Variants in COPS9 observed in about 807,000 individuals in gnomAD.
COPS9 encodes COP9 signalosome subunit 9.
In COPS9, 8 loss-of-function variants were observed where a neutral mutation model predicts 7.2. The ratio of observed to expected loss-of-function variants is 1.11; its 90% confidence interval spans 0.65 to 2.00. The LOEUF is 2.00. Ranked by LOEUF, COPS9 falls within the 30% of genes most tolerant of loss-of-function variation. The probability of loss-of-function intolerance (pLI) is 0.00; values close to 1 mark genes in which losing one functional copy is unlikely to be tolerated. For missense variants in COPS9, 74 were observed against 77.7 expected (o/e 0.95, Z 0.18); for synonymous variants, 39 against 28.7 (o/e 1.36, Z -1.14).
chr2:240,130,949 G>A lies in COPS9; in HGVS notation c.*102C>T. 21 of 1,519,382 alleles carry A rather than the reference G, an allele frequency of 1.4e-5. No homozygotes were observed. Among genetic ancestry groups the A allele is most frequent in the Non-Finnish European group, 1.8e-5 (20 of 1,133,614 alleles). The allele number at this position is 1,519,382 out of a possible 1,614,324, so 94.1% of individuals were successfully genotyped here. On this transcript the variant is annotated 3_prime_UTR_variant, in exon 3 of 3. Transcript: ENST00000607357. The stretch of plus-strand genomic sequence containing the variant: ...TGGTTAACCAGGTCCTAAATTCAAG[G>A]GATTTCCACGTGTTCTTTAAAACCA...
chr2:240,130,826 T>A (rs2071914447), downstream of COPS9: 1 of 1,401,524 alleles, frequency 7.1e-7, no homozygotes, highest in South Asian at 1.7e-5. Context: ...TCACTCCACA[T>A]GTGACATTGC....
rs2106555430 is a variant in COPS9, at chr2:240,130,891, T to C, written c.*160A>G. ...TGATCCCGTTCAGAGATGAACAGAATCATCTAGGTCGTTAAGAACAGTCTT... is the reference window on the plus strand; with the variant it reads ...TGATCCCGTTCAGAGATGAACAGAACCATCTAGGTCGTTAAGAACAGTCTT... On this transcript the variant is annotated 3_prime_UTR_variant, in exon 3 of 3. Coordinates refer to ENST00000607357, the MANE Select transcript of COPS9 (RefSeq NM_001163424.2). 1.4e-6 allele frequency: 2 copies of C among 1,441,882 alleles called. No homozygotes were observed. Among genetic ancestry groups the C allele is most frequent in the African/African-American group, 1.4e-5 (1 of 69,706 alleles). 89.3% of individuals were successfully genotyped at this position (1,441,882 alleles called of 1,614,324 possible).
At position 240,136,218 on chromosome 2, in the gene COPS9, C is replaced by A. The variant is rs1252307318; in HGVS notation, c.63+4G>T. ...CTCGGAGACTCCCGCCGGGCCCGTG[C>A]CACCTCGTCCAGGTCCACGTAGGGC... On this transcript the variant is annotated splice_donor_region_variant and intron_variant, in intron 1 of 2. Coordinates refer to ENST00000607357, the MANE Select transcript of COPS9 (RefSeq NM_001163424.2). 1.3e-6 allele frequency: 2 copies of A among 1,546,336 alleles called. No individual in the cohort carries two copies. The highest frequency in any genetic ancestry group is 2.0e-5 in the Admixed American group (1 of 50,012).
Position 240,131,397 on chromosome 2 carries a change from C to T in COPS9, c.137-309G>A, listed in dbSNP as rs868426225. On this transcript the variant is annotated intron_variant, in intron 2 of 2. Coordinates refer to ENST00000607357, the MANE Select transcript of COPS9 (RefSeq NM_001163424.2). Reference sequence around the variant, plus strand: ...CAGCCACAACTCAGCACTCAGGACACGCCAGTGCCGTGTCTGCACCCACGA... The same window carrying T: ...CAGCCACAACTCAGCACTCAGGACATGCCAGTGCCGTGTCTGCACCCACGA... Among the ~76,000 whole-genome samples, 5 of 152,214 alleles carry T rather than the reference C, an allele frequency of 3.3e-5. No individual in the cohort carries two copies. The South Asian group carries it at 8.3e-4, about 25-fold the overall frequency.
At chr2:240,133,503 G>A (rs2071942220) in intron 2 of COPS9, among the ~76,000 whole-genome samples, 1 of 152,210 alleles carries the variant, frequency 6.6e-6, no homozygotes, top group African/African-American at 2.4e-5. Context: ...AAAGGCAGCT[G>A]AGGGCATGAG....
chr2:240,131,466 G>C (rs543033509), intron 2 of COPS9, among the ~76,000 whole-genome samples: 2 of 152,360 alleles, frequency 1.3e-5, no homozygotes, highest in South Asian at 2.1e-4. Context: ...CGGGGCCGGG[G>C]AGAGATGAAG....
At chr2:240,129,436 G>T (rs1226937796), downstream of COPS9, among the ~76,000 whole-genome samples, 1 of 152,178 alleles carries the variant, frequency 6.6e-6, no homozygotes, top group African/African-American at 2.4e-5. Context: ...CAAGAGCTGG[G>T]ATTACAGGAG....
chr2:240,134,104 G>A (rs2071949622), intron 1 of COPS9, 99 bp from the exon 2 acceptor site: 3 of 1,106,626 alleles, frequency 2.7e-6, no homozygotes, highest in East Asian at 4.8e-5. Context: ...AAAGAAGATG[G>A]GTGAGGGGAA....
At chr2:240,126,568 T>C (rs749517040), downstream of COPS9, 47 of 1,611,572 alleles carry the variant, frequency 2.9e-5, no homozygotes, top group Non-Finnish European at 4.0e-5. Flanking sequence ...GCATCCTACC[T>C]CACATCTATG....
At chr2:240,128,619 G>A (rs1272315252), downstream of COPS9, among the ~76,000 whole-genome samples, 1 of 151,802 alleles carries the variant, frequency 6.6e-6, no homozygotes, top group Non-Finnish European at 1.5e-5. Context: ...CTGTGATGAA[G>A]GCGATCAGGT....
rs1201138144 is a variant in COPS9 at position 240,132,160 on chromosome 2, C to T, written c.137-1072G>A. Among the ~76,000 whole-genome samples, 1 of 152,196 alleles carries T rather than the reference C, an allele frequency of 6.6e-6. No individual in the cohort carries two copies. The highest frequency in any genetic ancestry group is 1.5e-5 in the Non-Finnish European group (1 of 68,032). The stretch of plus-strand genomic sequence containing the variant: ...GTGCTCCCAGAAACAATGCCGTCCA[C>T]GCTTTGCCAGGGCTCTTGTCACAGT... On this transcript the variant is annotated intron_variant, in intron 2 of 2. Coordinates refer to ENST00000607357, the MANE Select transcript of COPS9 (RefSeq NM_001163424.2). This position sits in a 1 kb window ranked among gnomAD's most constrained non-coding sequence, Gnocchi z 4.1.
rs73111218 is a variant in COPS9, at chr2:240,136,083, G to C, written c.63+139C>G. The C allele has an allele frequency of 1.9e-3, 2,359 of 1,248,054 alleles. 27 individuals are homozygous for C. The African/African-American group carries it at 0.034, about 18-fold the overall frequency. 77.3% of individuals were successfully genotyped at this position (1,248,054 alleles called of 1,614,324 possible). Reference sequence around the variant, plus strand: ...GGAGAAACCGGGATTTGCTCTCCGCGGGGCAGGGAGCCTGGGAGCCGCGCC... The same window carrying C: ...GGAGAAACCGGGATTTGCTCTCCGCCGGGCAGGGAGCCTGGGAGCCGCGCC... On this transcript the variant is annotated intron_variant, in intron 1 of 2. Transcript: ENST00000607357.
At position 240,132,473 on chromosome 2, in the gene COPS9, C is replaced by T. The variant is rs1476992410; in HGVS notation, c.137-1385G>A. On this transcript the variant is annotated intron_variant, in intron 2 of 2. Transcript: ENST00000607357. The surrounding 1 kb of genome is among the most constrained non-coding windows in gnomAD (Gnocchi z 4.1). ...AGGCAGGGGACACAGAGCTCTCCTG[C>T]GTCCCCTCCCTGACCGGCCGTGGCT... 6.6e-6 allele frequency among the ~76,000 whole-genome samples: 1 copy of T among 152,160 alleles called. No individual in the cohort carries two copies.
chr2:240,135,857 T>TTGATTCCCCACCCGCGG, intron 1 of COPS9: 5 of 283,886 alleles, frequency 1.8e-5, no homozygotes, highest in East Asian at 1.3e-4. Context: ...CCACACGAGG[T>TTGATTCCCCACCCGCGG]TATGGAGACG....
chr2:240,129,017 C>G (rs949467151), downstream of COPS9, among the ~76,000 whole-genome samples: 2 of 152,266 alleles, frequency 1.3e-5, no homozygotes, highest in Non-Finnish European at 2.9e-5. Flanking sequence ...CTGGGGCTCA[C>G]AGGCCTTGGT....
chr2:240,131,113 A>G, intron 2 of COPS9, 25 bp from the exon 3 acceptor site: 5 of 1,610,016 alleles, frequency 3.1e-6, no homozygotes, highest in Non-Finnish European at 4.2e-6. Flanking sequence ...AAAACCACGT[A>G]GTTACACCTA....
In COPS9 at chr2:240,132,512, G is replaced by A. The variant is rs1002959220; in HGVS notation, c.136+1421C>T. 2.6e-5 allele frequency among the ~76,000 whole-genome samples: 4 copies of A among 152,108 alleles called. No individual in the cohort carries two copies. Among genetic ancestry groups the A allele is most frequent in the Non-Finnish European group, 4.4e-5 (3 of 68,030 alleles). On this transcript the variant is annotated intron_variant, in intron 2 of 2. Transcript: ENST00000607357. This position sits in a 1 kb window ranked among gnomAD's most constrained non-coding sequence, Gnocchi z 4.1. Reference sequence around the variant, plus strand: ...CCGGCCGTGGCTCAAAGGCAGACACGCGCCCACAATGCTCAGGTTGCTGGG... The same window carrying A: ...CCGGCCGTGGCTCAAAGGCAGACACACGCCCACAATGCTCAGGTTGCTGGG...
intron 1 of COPS9, among the ~76,000 whole-genome samples, chr2:240,135,527 T>C (rs1489542331): frequency 1.3e-5 from 2 of 152,176 alleles, no homozygotes. Flanking sequence ...CACTCTGAGC[T>C]AGGCTGTGGT....
chr2:240,134,876 C>T (rs1333760094), intron 1 of COPS9, among the ~76,000 whole-genome samples: 2 of 152,100 alleles, frequency 1.3e-5, no homozygotes, highest in African/African-American at 2.4e-5. Flanking sequence ...CTCTCCTGTT[C>T]TCCCTGCTCT....
Sources: allele counts gnomAD v4.1 joint callset (sites outside exome capture counted in the v4.1 genomes callset), GRCh38; gene constraint gnomAD v4.1.1; non-coding constraint Gnocchi (gnomAD v3.1); transcripts MANE v1.5; gene names NCBI Gene and HGNC (gene_info 2026-07-23, HGNC 2026-07-21).